MAOA: variants seen among roughly 807,000 people sequenced by gnomAD.
MAOA encodes the protein monoamine oxidase A, also known as amine oxidase [flavin-containing] A.
Under a neutral mutation model 42.0 loss-of-function variants are expected in MAOA, and 6 were observed. That is an observed-to-expected ratio of 0.14 (90% CI 0.08 to 0.28). The LOEUF is 0.28. Among genes scored for constraint, MAOA ranks in the 10% least tolerant of loss-of-function variants. The pLI, the probability that MAOA is intolerant of heterozygous loss-of-function variation, is 1.00. For missense variants in MAOA, 262 were observed against 422.3 expected (o/e 0.62, Z 3.33); for synonymous variants, 140 against 154.0 (o/e 0.91, Z 0.67).
chrX:43,655,484 T>C (rs1160492332), upstream of MAOA: 1 of 111,246 alleles, frequency 9.0e-6, no homozygotes, highest in Non-Finnish European at 1.9e-5. Context: ...GTTTCAGCGC[T>C]TACAACCCGA....
chrX:43,738,369 A>C (rs1204751167), intron 10 of MAOA, among the ~76,000 whole-genome samples: 1 of 112,474 alleles, frequency 8.9e-6, no homozygotes, highest in African/African-American at 3.2e-5. Context: ...GTGTGAACAC[A>C]TCCTTGGCTC....
chrX:43,734,539 T>C (rs2033906540), intron 9 of MAOA, among the ~76,000 whole-genome samples: 1 of 111,940 alleles, frequency 8.9e-6, no homozygotes, highest in Non-Finnish European at 1.9e-5. Context: ...CTCTTTCATC[T>C]TGACACTTGC....
At chrX:43,695,272 C>G (rs1013405113) in intron 3 of MAOA, among the ~76,000 whole-genome samples, 1 of 112,160 alleles carries the variant, frequency 8.9e-6, no homozygotes, top group Non-Finnish European at 1.9e-5. Flanking sequence ...TGAGGAGATT[C>G]AGTCATTGAA....
intron 10 of MAOA, among the ~76,000 whole-genome samples, chrX:43,737,089 A>C (rs1227503642): frequency 8.9e-6 from 1 of 111,898 alleles, no homozygotes; most frequent in East Asian, 2.8e-4. Context: ...ATGAGTTCCT[A>C]CATGTGCACA....
chrX:43,664,016 C>T (rs2033256768), intron 1 of MAOA, among the ~76,000 whole-genome samples: 1 of 112,301 alleles, frequency 8.9e-6, no homozygotes, highest in Non-Finnish European at 1.9e-5. Context: ...GGCCAATGTT[C>T]TGGAAACCTC....
chrX:43,740,291 A>C (rs1019431394), intron 10 of MAOA, among the ~76,000 whole-genome samples: 9 of 112,349 alleles, frequency 8.0e-5, no homozygotes, highest in Admixed American at 2.8e-4. Context: ...TAGACTTATA[A>C]AAGGGATCAT....
intron 3 of MAOA, among the ~76,000 whole-genome samples, chrX:43,709,281 T>C (rs189886219): frequency 1.2e-3 from 136 of 112,115 alleles, no homozygotes; most frequent in African/African-American, 3.8e-3. Flanking sequence ...CAAGGGGTCT[T>C]TGGACCTTGT....
At chrX:43,725,992 A>G (rs1246973105) in intron 5 of MAOA, among the ~76,000 whole-genome samples, 1 of 111,812 alleles carries the variant, frequency 8.9e-6, no homozygotes, top group Non-Finnish European at 1.9e-5. Flanking sequence ...AATGTTGAAT[A>G]TTGGCCCCCA....
chrX:43,656,020 T>C (rs2033175688), upstream of MAOA: 1 of 319,293 alleles, frequency 3.1e-6, no homozygotes, highest in Admixed American at 4.7e-5. Flanking sequence ...AAGAACCTCC[T>C]GCACCCAGTA....
intron 1 of MAOA, among the ~76,000 whole-genome samples, chrX:43,663,127 G>A (rs900358661): frequency 1.8e-5 from 2 of 111,162 alleles, no homozygotes; most frequent in Admixed American, 1.9e-4. Context: ...ATGAAGATCC[G>A]TCTCTTTAGC....
chrX:43,716,349 G>T (rs890077317), intron 5 of MAOA, among the ~76,000 whole-genome samples: 2 of 111,424 alleles, frequency 1.8e-5, no homozygotes, highest in African/African-American at 6.5e-5. Flanking sequence ...TTCCAGGAAT[G>T]AACTACAAAA....
intron 1 of MAOA, among the ~76,000 whole-genome samples, chrX:43,656,766 G>A (rs1439637890): frequency 3.6e-5 from 4 of 110,914 alleles, no homozygotes; most frequent in African/African-American, 1.3e-4. Flanking sequence ...AAGAAACTGA[G>A]GTCTGGGGAG....
chrX:43,657,968 G>A (rs1229331582), intron 1 of MAOA: 12 of 721,471 alleles, frequency 1.7e-5, no homozygotes, highest in Non-Finnish European at 1.8e-5. Flanking sequence ...TCCTGGTGGA[G>A]AGTAAGAAAA....
At chrX:43,693,820 C>A (rs762643490) in intron 3 of MAOA, among the ~76,000 whole-genome samples, 1 of 110,842 alleles carries the variant, frequency 9.0e-6, no homozygotes, top group Non-Finnish European at 1.9e-5. Context: ...CTCCCCTCCC[C>A]CAGCTACAGG....
chrX:43,717,011 C>T (rs1393339630), intron 5 of MAOA, among the ~76,000 whole-genome samples: 2 of 109,354 alleles, frequency 1.8e-5, no homozygotes, highest in Non-Finnish European at 3.8e-5. Flanking sequence ...AAGGATGGGG[C>T]GAGACACAAA....
chrX:43,733,936 A>G lies in MAOA; in HGVS notation c.1052+1141A>G, dbSNP rs1444237285. Among the ~76,000 whole-genome samples, 5 of 111,831 alleles carry G rather than the reference A, an allele frequency of 4.5e-5. No homozygotes were observed. In the East Asian group the frequency reaches 1.4e-3, roughly 32 times the overall value. On this transcript the variant is annotated intron_variant, in intron 9 of 14. Coordinates refer to ENST00000338702, the MANE Select transcript of MAOA (RefSeq NM_000240.4). ...ACACATCCTCTTCATCTCTAACCCT[A>G]TTGGGCAGAAGAGGATATAGGTTGT...
chrX:43,721,688 C>CTT (rs377498903), intron 5 of MAOA, among the ~76,000 whole-genome samples: 21 of 99,704 alleles, frequency 2.1e-4, no homozygotes, highest in African/African-American at 6.2e-4. Context: ...CTCATAATTT[C>CTT]TTTTTTTTTT....
intron 6 of MAOA, among the ~76,000 whole-genome samples, chrX:43,730,487 CTTTT>C (rs1232538202): frequency 1.2e-5 from 1 of 84,785 alleles, no homozygotes; most frequent in African/African-American, 4.3e-5. Flanking sequence ...TATTCCGAAT[CTTTT>C]TTTTTTTTTT....
intron 6 of MAOA, among the ~76,000 whole-genome samples, chrX:43,729,382 T>C (rs747724966): frequency 7.1e-4 from 80 of 112,386 alleles, no homozygotes; most frequent in African/African-American, 2.6e-3. Context: ...TTGGAAAATA[T>C]GGTTCAGATG....
Sources: gnomAD v4.1 joint callset for allele counts (sites outside exome capture counted in the v4.1 genomes callset) on GRCh38, gnomAD v4.1.1 for gene constraint, MANE v1.5 for transcripts, NCBI Gene and HGNC (gene_info 2026-07-23, HGNC 2026-07-21) for gene names.